Variants in RALA observed in about 807,000 individuals in gnomAD.
RALA encodes RAS like proto-oncogene A, also known as ras-related protein Ral-A.
In RALA, 5 loss-of-function variants were observed where a neutral mutation model predicts 24.0. The ratio of observed to expected loss-of-function variants is 0.21; its 90% confidence interval spans 0.11 to 0.44. The LOEUF is 0.44. Ranked by LOEUF, RALA falls within the 20% of genes least tolerant of loss-of-function variation. The pLI, the probability that RALA is intolerant of heterozygous loss-of-function variation, is 0.99. For synonymous variants in RALA, 77 were observed against 83.8 expected, an observed-to-expected ratio of 0.92 and a Z score of 0.44; for missense variants, 95 against 241.2, an observed-to-expected ratio of 0.39 and a Z score of 4.01.
At chr7:39,647,793 A>G (rs1200212709) in intron 1 of RALA, among the ~76,000 whole-genome samples, 4 of 152,186 alleles carry the variant, frequency 2.6e-5, no homozygotes, top group African/African-American at 4.8e-5. Flanking sequence ...ATGGGTCCTC[A>G]CCAGACACCG....
chr7:39,674,836 T>G (rs1792451912), intron 1 of RALA, among the ~76,000 whole-genome samples: 1 of 148,228 alleles, frequency 6.7e-6, no homozygotes, highest in South Asian at 2.2e-4. Context: ...TTTTTTTTTT[T>G]TTTTTGAGTC....
intron 1 of RALA, among the ~76,000 whole-genome samples, chr7:39,674,041 G>GTAAATAAA (rs72097023): frequency 0.018 from 881 of 48,878 alleles, 10 homozygotes; most frequent in East Asian, 0.028. Flanking sequence ...GGCATGCACT[G>GTAAATAAA]TAAATAAATA....
chr7:39,700,194 A>G (rs1194467445), intron 4 of RALA: 1 of 152,232 alleles, frequency 6.6e-6, no homozygotes, highest in African/African-American at 2.4e-5. Context: ...TACACCCCAG[A>G]ACCTTTATGG....
At chr7:39,643,828 C>A (rs1303906712) in intron 1 of RALA, among the ~76,000 whole-genome samples, 1 of 152,138 alleles carries the variant, frequency 6.6e-6, no homozygotes, top group Non-Finnish European at 1.5e-5. Context: ...ACCTGCACTC[C>A]AGCCTGGGTG....
rs549135876 is a variant in RALA, at chr7:39,652,646, AT to A, written c.-38+28822del. Among the ~76,000 whole-genome samples the A allele has an allele frequency of 5.9e-5, 9 of 152,348 alleles. No individual in the cohort carries two copies. The East Asian group carries it at 1.7e-3, about 29-fold the overall frequency. ...GACTCCTAAACTTCATAATACCTGT[AT>A]AAGGTAAGAAGCAAGAAAAGTTTTA... On this transcript the variant is annotated intron_variant, in intron 1 of 4. Coordinates refer to ENST00000005257, the MANE Select transcript of RALA (RefSeq NM_005402.4).
chr7:39,690,098 G>A (rs1467822756), intron 2 of RALA, among the ~76,000 whole-genome samples: 1 of 152,182 alleles, frequency 6.6e-6, no homozygotes, highest in East Asian at 1.9e-4. Flanking sequence ...TAAAATATAT[G>A]TGTAATAGTT....
At chr7:39,634,504 C>T (rs1172568623) in intron 1 of RALA, among the ~76,000 whole-genome samples, 2 of 152,130 alleles carry the variant, frequency 1.3e-5, no homozygotes, top group African/African-American at 4.8e-5. Flanking sequence ...CATTTTTAGT[C>T]TGAGGGAAAT....
At chr7:39,638,646 C>T (rs1388531067) in intron 1 of RALA, among the ~76,000 whole-genome samples, 1 of 151,918 alleles carries the variant, frequency 6.6e-6, no homozygotes, top group African/African-American at 2.4e-5. Flanking sequence ...GGGTTCTCCC[C>T]GTGTTGTCCA....
chr7:39,662,706 G>A (rs1792214316), intron 1 of RALA, among the ~76,000 whole-genome samples: 1 of 152,170 alleles, frequency 6.6e-6, no homozygotes. Flanking sequence ...CAACAAGTCT[G>A]TAGGAAGTTC....
At chr7:39,664,464 C>G (rs117210877) in intron 1 of RALA, among the ~76,000 whole-genome samples, 4 of 152,090 alleles carry the variant, frequency 2.6e-5, no homozygotes, top group Non-Finnish European at 5.9e-5. Context: ...CCTATGAGGT[C>G]GAAACTGAAG....
intron 1 of RALA, among the ~76,000 whole-genome samples, chr7:39,683,300 C>T (rs1318734233): frequency 6.6e-6 from 1 of 152,186 alleles, no homozygotes; most frequent in Non-Finnish European, 1.5e-5. Context: ...CCACCCTCTT[C>T]TAAGTTCTTT....
chr7:39,673,008 C>CA (rs779344679), intron 1 of RALA, among the ~76,000 whole-genome samples: 3 of 152,076 alleles, frequency 2.0e-5, no homozygotes, highest in Non-Finnish European at 2.9e-5. Context: ...CAACATATGG[C>CA]AAAACACTTT....
chr7:39,687,867 T>G (rs1792736340), intron 2 of RALA, among the ~76,000 whole-genome samples: 1 of 152,288 alleles, frequency 6.6e-6, no homozygotes, highest in South Asian at 2.1e-4. Flanking sequence ...AGCAACAAAG[T>G]GTTAAACCTA....
chr7:39,670,681 TA>T (rs1301353432), intron 1 of RALA, among the ~76,000 whole-genome samples: 1 of 152,226 alleles, frequency 6.6e-6, no homozygotes, highest in Non-Finnish European at 1.5e-5. Context: ...AAACAAATAT[TA>T]AAATATAAAT....
At chr7:39,673,114 A>G (rs1405075754) in intron 1 of RALA, among the ~76,000 whole-genome samples, 1 of 152,058 alleles carries the variant, frequency 6.6e-6, no homozygotes, top group Non-Finnish European at 1.5e-5. Context: ...CTTGAGCTTG[A>G]GAGACGGAGG....
chr7:39,630,371 C>T (rs983467476), intron 1 of RALA, among the ~76,000 whole-genome samples: 4 of 152,012 alleles, frequency 2.6e-5, no homozygotes, highest in Admixed American at 2.0e-4. Flanking sequence ...ATTTTCTATA[C>T]GACTTTCAGT....
chr7:39,682,267 A>G (rs1041306649), intron 1 of RALA, among the ~76,000 whole-genome samples: 3 of 152,328 alleles, frequency 2.0e-5, no homozygotes, highest in Middle Eastern at 3.4e-3. Context: ...TCCTCAGTAT[A>G]GGTGGTATTA....
At chr7:39,689,213 T>C (rs1227431130) in intron 2 of RALA, among the ~76,000 whole-genome samples, 1 of 152,106 alleles carries the variant, frequency 6.6e-6, no homozygotes, top group Non-Finnish European at 1.5e-5. Flanking sequence ...GATCTTGAAC[T>C]AACTCCTGGG....
At chr7:39,660,806 A>T (rs1484811251) in intron 1 of RALA, among the ~76,000 whole-genome samples, 1 of 152,254 alleles carries the variant, frequency 6.6e-6, no homozygotes, top group Admixed American at 6.5e-5. Flanking sequence ...TCATGAATGC[A>T]TTAAATATAT....
Sources: gnomAD v4.1 joint callset for allele counts (sites outside exome capture counted in the v4.1 genomes callset) on GRCh38, gnomAD v4.1.1 for gene constraint, MANE v1.5 for transcripts, NCBI Gene and HGNC (gene_info 2026-07-23, HGNC 2026-07-21) for gene names.